SLC16A12: variants seen among roughly 807,000 people sequenced by gnomAD.
SLC16A12 encodes the protein monocarboxylate transporter 12.
In SLC16A12, 17 loss-of-function variants were observed where a neutral mutation model predicts 42.4. The ratio of observed to expected loss-of-function variants is 0.40; its 90% CI spans 0.27 to 0.60. SLC16A12 has a LOEUF of 0.60. Ranked by LOEUF, SLC16A12 falls within the 20% of genes least tolerant of loss-of-function variation. SLC16A12 has a pLI of 0.42. For synonymous variants in SLC16A12, 224 were observed against 229.4 expected (o/e 0.98, Z 0.21); for missense variants, 544 against 623.0 (o/e 0.87, Z 1.35).
chr10:89,470,926 G>T (rs973796229), intron 2 of SLC16A12, among the ~76,000 whole-genome samples: 2 of 39,922 alleles, frequency 5.0e-5, no homozygotes, highest in African/African-American at 8.8e-5. Flanking sequence ...ACAAGGACAC[G>T]GACACGTGAG....
At chr10:89,460,500 G>T (rs1455230154) in intron 3 of SLC16A12, among the ~76,000 whole-genome samples, 1 of 151,898 alleles carries the variant, frequency 6.6e-6, no homozygotes, top group East Asian at 1.9e-4. Context: ...GAGGCGGGTG[G>T]ATCACCTGAG....
chr10:89,476,083 T>C (rs182860548), intron 2 of SLC16A12, among the ~76,000 whole-genome samples: 2 of 152,336 alleles, frequency 1.3e-5, no homozygotes, highest in Admixed American at 6.5e-5. Flanking sequence ...AATACTTGTG[T>C]AGTTCCATGA....
intron 2 of SLC16A12, among the ~76,000 whole-genome samples, chr10:89,470,319 A>T (rs1842472971): frequency 6.6e-6 from 1 of 152,230 alleles, no homozygotes; most frequent in Non-Finnish European, 1.5e-5. Flanking sequence ...CTAAGTCTTG[A>T]CCAAGGACAG....
At position 89,487,985 on chromosome 10, in the gene SLC16A12, TATATATATATACAC is replaced by T. The variant is rs1436760884; in HGVS notation, c.-46-25375_-46-25362del. 2.5e-3 allele frequency among the ~76,000 whole-genome samples: 334 copies of T among 134,144 alleles called. 1 individual carries two copies. Among genetic ancestry groups the T allele is most frequent in the African/African-American group, 9.3e-3 (318 of 34,046 alleles). 88.0% of individuals were successfully genotyped at this position (134,144 alleles called of 152,430 possible). A position where few individuals can be genotyped will look rare whatever the true frequency, so the allele number is the denominator to read the frequency against. On this transcript the variant is annotated intron_variant, in intron 2 of 7. Transcript: ENST00000371790. ...GTGTGTATATATATATATATATATA[TATATATATATACAC>T]ACACACATTTATTATACCATATTAA...
At chr10:89,489,453 C>G (rs60005472) in intron 2 of SLC16A12, among the ~76,000 whole-genome samples, 1,592 of 152,226 alleles carry the variant, frequency 0.01, 28 homozygotes, top group African/African-American at 0.036. Context: ...ATTCTTCCAC[C>G]TCAACCTCCC....
intron 3 of SLC16A12, among the ~76,000 whole-genome samples, chr10:89,445,384 GGAAGGAT>G (rs1245501369): frequency 6.6e-6 from 1 of 152,210 alleles, no homozygotes. Flanking sequence ...AGCTTCCAGA[GGAAGGAT>G]CAGGCAGCAA....
intron 2 of SLC16A12, among the ~76,000 whole-genome samples, chr10:89,528,517 G>C (rs888491796): frequency 3.9e-5 from 6 of 152,038 alleles, no homozygotes; most frequent in African/African-American, 1.5e-4. Flanking sequence ...TAAGCCTAGT[G>C]AATTCCACAG....
At chr10:89,452,887 C>T (rs757798799) in intron 3 of SLC16A12, among the ~76,000 whole-genome samples, 8 of 152,178 alleles carry the variant, frequency 5.3e-5, no homozygotes, top group Non-Finnish European at 7.4e-5. Flanking sequence ...CCCCTCTACG[C>T]CCAGGGGTCT....
intron 3 of SLC16A12, 81 bp downstream of exon 3, chr10:89,462,298 G>C: frequency 1.3e-6 from 2 of 1,584,138 alleles, no homozygotes; most frequent in South Asian, 1.1e-5. Context: ...ACAATGATGG[G>C]TTCAGAAAGA....
rs766768376 is a variant in SLC16A12 at position 89,433,132 on chromosome 10, C to T, written c.1483G>A (p.Ala495Thr). ...WTNGSVAYSV[A>T]RELDQKHGEP... The stretch of plus-strand genomic sequence containing the variant: ...CCATGTTTCTGATCTAATTCTCTTG[C>T]CACAGAATAAGCCACTGATCCATTG... The change falls in exon 8 of 8, where the codon GCA becomes ACA. Residue 495 changes from alanine (A) to threonine (T), a missense_variant. Physicochemically the swap from Ala to Thr is moderately conservative, Grantham distance 58 (BLOSUM62 0). Coordinates refer to ENST00000371790, the MANE Select transcript of SLC16A12 (RefSeq NM_213606.4). 8 of 1,614,202 alleles carry T rather than the reference C, an allele frequency of 5.0e-6. No homozygotes were observed. Among genetic ancestry groups the T allele is most frequent in the Non-Finnish European group, 6.8e-6 (8 of 1,180,038 alleles).
intron 2 of SLC16A12, among the ~76,000 whole-genome samples, chr10:89,552,452 C>T (rs893464680): frequency 2.6e-5 from 4 of 152,158 alleles, no homozygotes; most frequent in African/African-American, 9.7e-5. Context: ...AGGGTGGTAG[C>T]ACTGAATTAG....
At chr10:89,536,213 T>A (rs1018208280), upstream of SLC16A12, among the ~76,000 whole-genome samples, 3 of 152,060 alleles carry the variant, frequency 2.0e-5, no homozygotes, top group South Asian at 4.1e-4. Flanking sequence ...AAGAGCAAGA[T>A]CTCGAGAAAA....
At chr10:89,447,137 T>C (rs1444601377) in intron 3 of SLC16A12, among the ~76,000 whole-genome samples, 1 of 152,142 alleles carries the variant, frequency 6.6e-6, no homozygotes, top group African/African-American at 2.4e-5. Context: ...CAAAGAGACT[T>C]AGACTCCCAC....
chr10:89,486,603 A>AAAG (rs762588312), intron 2 of SLC16A12, among the ~76,000 whole-genome samples: 1,104 of 70,166 alleles, frequency 0.016, 11 homozygotes, highest in Non-Finnish European at 0.02. Flanking sequence ...AAAAAAAAAA[A>AAAG]AAAGAAAGAA....
intron 2 of SLC16A12, among the ~76,000 whole-genome samples, chr10:89,531,999 T>G (rs1319179745): frequency 6.6e-6 from 1 of 152,192 alleles, no homozygotes; most frequent in East Asian, 1.9e-4. Context: ...CATACCAGGA[T>G]GTAAGCTGCA....
chr10:89,492,661 C>G (rs1305315717), intron 2 of SLC16A12, among the ~76,000 whole-genome samples: 3 of 151,974 alleles, frequency 2.0e-5, no homozygotes, highest in African/African-American at 7.3e-5. Context: ...TTGGGCAAGT[C>G]TGAACTAAGT....
chr10:89,495,720 T>C (rs1325505904), intron 2 of SLC16A12, among the ~76,000 whole-genome samples: 1 of 152,208 alleles, frequency 6.6e-6, no homozygotes, highest in Non-Finnish European at 1.5e-5. Flanking sequence ...TCATAATGTA[T>C]TGAATACAGT....
At chr10:89,498,565 TAGAA>T (rs1434757067) in intron 2 of SLC16A12, among the ~76,000 whole-genome samples, 1 of 152,042 alleles carries the variant, frequency 6.6e-6, no homozygotes, top group African/African-American at 2.4e-5. Context: ...TGTTAAGAAA[TAGAA>T]AGGGCAGTCA....
At chr10:89,487,953 G>A (rs1166723733) in intron 2 of SLC16A12, among the ~76,000 whole-genome samples, 1 of 119,206 alleles carries the variant, frequency 8.4e-6, no homozygotes, top group Non-Finnish European at 1.7e-5. Context: ...TAAAGAAAAT[G>A]TGGTGTGTGT....
Sources: allele counts gnomAD v4.1 joint callset (sites outside exome capture counted in the v4.1 genomes callset), GRCh38; gene constraint gnomAD v4.1.1; transcripts MANE v1.5; gene names NCBI Gene and HGNC (gene_info 2026-07-23, HGNC 2026-07-21).